NCAM1: variants seen among roughly 807,000 people sequenced by gnomAD.
NCAM1 encodes the protein antigen recognized by monoclonal antibody 5.1H11.
Under a neutral mutation model 109.8 loss-of-function variants are expected in NCAM1, and 14 were observed. The observed-to-expected ratio is 0.13, with a 90% CI of 0.08 to 0.20. NCAM1 has a LOEUF of 0.20. Among genes scored for constraint, NCAM1 ranks in the 10% least tolerant of loss-of-function variants. The pLI is 1.00. For missense variants in NCAM1, 774 were observed against 1,109.9 expected, an observed-to-expected ratio of 0.70 and a Z score of 4.30; for synonymous variants, 418 against 442.9, an observed-to-expected ratio of 0.94 and a Z score of 0.70.
At chr11:113,203,824 G>A (rs781575938) in intron 2 of NCAM1, among the ~76,000 whole-genome samples, 3 of 152,168 alleles carry the variant, frequency 2.0e-5, no homozygotes, top group Non-Finnish European at 4.4e-5. Context: ...AGTATTTCTC[G>A]CCTTCATCTC....
intron 1 of NCAM1, among the ~76,000 whole-genome samples, chr11:113,201,883 G>A (rs965560): frequency 0.36 from 54,160 of 152,082 alleles, 10,230 homozygotes; most frequent in African/African-American, 0.47. Context: ...GATTGTGTCC[G>A]GACAGCCTGG....
intron 1 of NCAM1, among the ~76,000 whole-genome samples, chr11:113,036,398 C>T (rs1033966730): frequency 3.3e-5 from 5 of 151,994 alleles, no homozygotes; most frequent in Non-Finnish European, 5.9e-5. Context: ...CTGCCTGGCT[C>T]GCTCCTCTGC....
intron 19 of NCAM1, among the ~76,000 whole-genome samples, 166 bp downstream of exon 19, chr11:113,272,042 A>G (rs558460233): frequency 1.3e-5 from 2 of 151,366 alleles, no homozygotes; most frequent in Admixed American, 1.3e-4. Context: ...GAAATGCCTG[A>G]CCTCAGGCAT....
At chr11:112,990,541 T>A (rs185351755) in intron 1 of NCAM1, among the ~76,000 whole-genome samples, 15 of 152,226 alleles carry the variant, frequency 9.9e-5, no homozygotes, top group Admixed American at 7.2e-4. Context: ...AGAGATATAT[T>A]TCTCTCTGGG....
At position 113,277,076 on chromosome 11, in the gene NCAM1, C is replaced by CAAAG. The variant is rs1214798508; in HGVS notation, c.*1693_*1696dup. 5.6e-6 allele frequency: 2 copies of CAAAG among 356,000 alleles called. No individual in the cohort carries two copies. Among genetic ancestry groups the CAAAG allele is most frequent in the Admixed American group, 4.7e-5 (1 of 21,434 alleles). 22.1% of individuals were successfully genotyped at this position (356,000 alleles called of 1,614,324 possible). Reference sequence around the variant, plus strand: ...CTCAAACGGAATCGAAGCCTTTTAACAAAGAAAATGAAATACAGATGATGA... The same window carrying CAAAG: ...CTCAAACGGAATCGAAGCCTTTTAACAAAGAAAGAAAATGAAATACAGATGATGA... On this transcript the variant is annotated 3_prime_UTR_variant, in exon 20 of 20. Transcript: ENST00000316851.
At chr11:113,194,101 A>G (rs1167467752) in intron 1 of NCAM1, among the ~76,000 whole-genome samples, 2 of 152,202 alleles carry the variant, frequency 1.3e-5, no homozygotes, top group African/African-American at 4.8e-5. Context: ...GATTCCCAGC[A>G]GCTCATATAA....
chr11:113,021,927 G>T (rs1555076340), intron 1 of NCAM1, among the ~76,000 whole-genome samples: 1 of 152,202 alleles, frequency 6.6e-6, no homozygotes, highest in Non-Finnish European at 1.5e-5. Context: ...GCAATAGGGA[G>T]AAGACGGGAA....
At position 113,082,678 on chromosome 11, in the gene NCAM1, C is replaced by G. The variant is rs142526597; in HGVS notation, c.53-119701C>G. Among the ~76,000 whole-genome samples, 19 of 152,336 alleles carry G rather than the reference C, an allele frequency of 1.2e-4. No homozygotes were observed. The South Asian group carries it at 1.9e-3, about 15-fold the overall frequency. On this transcript the variant is annotated intron_variant, in intron 1 of 19. Transcript: ENST00000316851. ...CAAAGGCAAGAAGGGTCTGGACGCT[C>G]TGAGCGTGCTTGACACATCTATGAC...
At chr11:113,113,583 T>C (rs1940545478) in intron 1 of NCAM1, among the ~76,000 whole-genome samples, 1 of 152,202 alleles carries the variant, frequency 6.6e-6, no homozygotes, top group Non-Finnish European at 1.5e-5. Context: ...ATGTCCTAAA[T>C]TGGCAATCTG....
At chr11:113,254,223 T>C (rs1268850783) in intron 15 of NCAM1, among the ~76,000 whole-genome samples, 1 of 152,218 alleles carries the variant, frequency 6.6e-6, no homozygotes, top group African/African-American at 2.4e-5. Flanking sequence ...CACTGAATAG[T>C]TGTGGCCTGG....
Position 113,275,363 on chromosome 11 carries a change from AAAG to A in NCAM1, c.2554_2556del (p.Lys852del). ...CGGTCCCCAATGACGCCACACAGAC[AAAG>A]GAGAACGAGAGCAAAGCATGATGGG... On this transcript the variant is annotated inframe_deletion, in exon 20 of 20. Transcript: ENST00000316851. The A allele has an allele frequency of 1.2e-6, 2 of 1,613,340 alleles. No homozygotes were observed. Among genetic ancestry groups the A allele is most frequent in the Non-Finnish European group, 1.7e-6 (2 of 1,179,604 alleles).
chr11:113,169,496 T>C (rs1456189445), intron 1 of NCAM1, among the ~76,000 whole-genome samples: 2 of 152,226 alleles, frequency 1.3e-5, no homozygotes, highest in Non-Finnish European at 2.9e-5. Flanking sequence ...TATTATCACT[T>C]GTCATCAATT....
chr11:113,231,186 C>A (rs1360604202), intron 9 of NCAM1: 13 of 1,535,714 alleles, frequency 8.5e-6, no homozygotes, highest in Non-Finnish European at 1.1e-5. Flanking sequence ...CTTGGAATGT[C>A]CTGCCACAGG....
chr11:113,153,297 T>A (rs1034077480), intron 1 of NCAM1, among the ~76,000 whole-genome samples: 1 of 152,168 alleles, frequency 6.6e-6, no homozygotes, highest in African/African-American at 2.4e-5. Context: ...CGCCTCAGCC[T>A]CCCAAAGTGT....
chr11:113,256,216 T>C (rs539911866), intron 16 of NCAM1, among the ~76,000 whole-genome samples: 1 of 152,336 alleles, frequency 6.6e-6, no homozygotes, highest in South Asian at 2.1e-4. Flanking sequence ...GGAAACCTCA[T>C]AGATGACTGT....
intron 1 of NCAM1, among the ~76,000 whole-genome samples, chr11:113,116,490 T>G (rs1261824244): frequency 1.3e-5 from 2 of 152,238 alleles, no homozygotes; most frequent in African/African-American, 4.8e-5. Flanking sequence ...CTAGTTCAGC[T>G]GGCACATATT....
intron 1 of NCAM1, among the ~76,000 whole-genome samples, chr11:113,193,922 G>C (rs1324206187): frequency 6.6e-6 from 1 of 152,120 alleles, no homozygotes; most frequent in African/African-American, 2.4e-5. Context: ...AGCAACCATG[G>C]TTTGAAACCA....
chr11:113,128,537 CATGGTGACA>C (rs111581295), intron 1 of NCAM1, among the ~76,000 whole-genome samples: 5,847 of 152,118 alleles, frequency 0.038, 472 homozygotes, highest in East Asian at 0.15. Context: ...GTATATACTC[CATGGTGACA>C]ATGGTGACAA....
rs1946096876 is a variant in NCAM1, at chr11:113,264,640, C to T, written c.2131+4317C>T. On this transcript the variant is annotated intron_variant, in intron 17 of 19. Transcript: ENST00000316851. ...AGGGCCCAGCTTGGGAGTCTGCCTC[C>T]CCCTGATCCCAGGACCACCCACAGG... 12 of 985,424 alleles carry T rather than the reference C, an allele frequency of 1.2e-5. No homozygotes were observed. The South Asian group carries it at 5.6e-4, about 46-fold the overall frequency. The allele number at this position is 985,424 out of a possible 1,614,324, so 61.0% of individuals were successfully genotyped here. A position where few individuals can be genotyped will look rare whatever the true frequency, so the allele number is the denominator to read the frequency against.
Sources: allele counts gnomAD v4.1 joint callset (sites outside exome capture counted in the v4.1 genomes callset), GRCh38; gene constraint gnomAD v4.1.1; transcripts MANE v1.5; gene names NCBI Gene and HGNC (gene_info 2026-07-23, HGNC 2026-07-21).